GRIK2: variants seen among roughly 807,000 people sequenced by gnomAD.
The protein encoded by GRIK2 is glutamate receptor ionotropic, kainate 2.
In GRIK2, 32 loss-of-function variants were observed where a neutral mutation model predicts 100.3. That is an observed-to-expected ratio of 0.32 (90% CI 0.24 to 0.43). GRIK2 has a LOEUF of 0.43. Among genes scored for constraint, GRIK2 ranks in the 20% least tolerant of loss-of-function variants. GRIK2 has a pLI of 1.00. For missense variants in GRIK2, 843 were observed against 1,114.9 expected (o/e 0.76, Z 3.47); for synonymous variants, 417 against 389.4 (o/e 1.07, Z -0.83).
chr6:101,685,110 A>G (rs1376444554), intron 6 of GRIK2, among the ~76,000 whole-genome samples: 1 of 152,152 alleles, frequency 6.6e-6, no homozygotes, highest in Non-Finnish European at 1.5e-5. Flanking sequence ...ATACAAATTG[A>G]AAATAACTTG....
At chr6:101,877,230 T>C (rs1437087534) in intron 11 of GRIK2, among the ~76,000 whole-genome samples, 1 of 151,978 alleles carries the variant, frequency 6.6e-6, no homozygotes, top group Non-Finnish European at 1.5e-5. Context: ...TATGAATACA[T>C]ACAGTTGGCC....
intron 4 of GRIK2, among the ~76,000 whole-genome samples, chr6:101,647,464 T>G (rs964741830): frequency 1.3e-5 from 2 of 151,986 alleles, no homozygotes; most frequent in Non-Finnish European, 2.9e-5. Flanking sequence ...ATCCAAGGCC[T>G]TCTCCCAGGC....
In GRIK2 at chr6:101,675,004, C is replaced by T. The variant is rs560843154; in HGVS notation, c.542-1619C>T. 2.0e-4 allele frequency among the ~76,000 whole-genome samples: 30 copies of T among 152,152 alleles called. 1 individual carries two copies. The South Asian group carries it at 5.4e-3, about 27-fold the overall frequency. On this transcript the variant is annotated intron_variant, in intron 4 of 16. Transcript: ENST00000369134. ...TAATTAGCATATCCATTACCTTGAA[C>T]ATTTATCATTTATTTGTGATAAGAA...
intron 12 of GRIK2, among the ~76,000 whole-genome samples, chr6:101,912,312 CA>C (rs1242439687): frequency 1.3e-5 from 2 of 151,346 alleles, no homozygotes; most frequent in Non-Finnish European, 3.0e-5. Context: ...TTCAAGGCAG[CA>C]AAAAACTCTA....
At chr6:101,735,224 G>A (rs1383049569) in intron 7 of GRIK2, among the ~76,000 whole-genome samples, 1 of 152,156 alleles carries the variant, frequency 6.6e-6, no homozygotes, top group African/African-American at 2.4e-5. Flanking sequence ...TGTAAAAAAT[G>A]TAGCGATAAA....
Position 101,676,675 on chromosome 6 carries a change from A to G in GRIK2, c.594A>G (p.Arg198=). The G allele has an allele frequency of 6.2e-7, 1 of 1,606,060 alleles. No homozygotes were observed. The highest frequency in any genetic ancestry group is 1.1e-5 in the South Asian group (1 of 90,368). The change falls in exon 5 of 17, where the codon CGA becomes CGG. Residue 198 remains arginine (R), a synonymous_variant. Transcript: ENST00000369134. ...AAGCTCCATCAAGGTATAATCTTCG[A>G]CTCAAAATTCGTCAGTTACCTGCTG... The part of the protein sequence containing the change: ...LIKAPSRYNL[R]LKIRQLPADT...
intron 9 of GRIK2, among the ~76,000 whole-genome samples, chr6:101,816,566 C>T (rs1177686632): frequency 2.6e-5 from 4 of 152,108 alleles, no homozygotes; most frequent in Non-Finnish European, 4.4e-5. Context: ...TGGCGGGCGC[C>T]TGCAGTCCCA....
intron 14 of GRIK2, among the ~76,000 whole-genome samples, chr6:101,929,006 A>T (rs939620328): frequency 6.6e-6 from 1 of 152,188 alleles, no homozygotes; most frequent in African/African-American, 2.4e-5. Context: ...TAGAATAATT[A>T]CTCGGAAAAA....
At chr6:102,013,367 T>C (rs1306587801) in intron 14 of GRIK2, among the ~76,000 whole-genome samples, 1 of 152,172 alleles carries the variant, frequency 6.6e-6, no homozygotes, top group East Asian at 1.9e-4. Flanking sequence ...TATAGAATCA[T>C]GTCATCTACA....
intron 7 of GRIK2, among the ~76,000 whole-genome samples, chr6:101,742,863 T>G (rs962981795): frequency 6.6e-6 from 1 of 152,146 alleles, no homozygotes; most frequent in East Asian, 1.9e-4. Context: ...TGAGGCATGC[T>G]AGACCCCCCA....
chr6:101,787,464 T>A (rs974808180), intron 7 of GRIK2, among the ~76,000 whole-genome samples: 2 of 152,128 alleles, frequency 1.3e-5, no homozygotes, highest in Non-Finnish European at 2.9e-5. Flanking sequence ...TTAACACTGC[T>A]TTTCCTGTAT....
intron 2 of GRIK2, among the ~76,000 whole-genome samples, chr6:101,479,338 A>G (rs1166600006): frequency 6.6e-6 from 1 of 152,192 alleles, no homozygotes; most frequent in African/African-American, 2.4e-5. Context: ...TCATTTAAAT[A>G]TTCCCTTCTC....
chr6:102,035,648 T>G (rs914316771), intron 15 of GRIK2, 82 bp downstream of exon 15: 2 of 743,074 alleles, frequency 2.7e-6, no homozygotes, highest in Non-Finnish European at 4.6e-6. Flanking sequence ...TGTCCACGTA[T>G]GCCATTAGGA....
At chr6:101,829,699 G>A (rs1427132989) in intron 10 of GRIK2, among the ~76,000 whole-genome samples, 1 of 151,706 alleles carries the variant, frequency 6.6e-6, no homozygotes, top group Admixed American at 6.6e-5. Flanking sequence ...AATGCGAAAT[G>A]TCTTTATGAG....
At chr6:102,068,130 G>A (rs1772108679) in intron 16 of GRIK2, among the ~76,000 whole-genome samples, 1 of 151,760 alleles carries the variant, frequency 6.6e-6, no homozygotes, top group Admixed American at 6.6e-5. Context: ...AGTATCGGGT[G>A]GAGATTTTCT....
intron 14 of GRIK2, among the ~76,000 whole-genome samples, chr6:102,030,892 C>T (rs867982419): frequency 1.2e-4 from 18 of 151,038 alleles, no homozygotes; most frequent in Non-Finnish European, 4.4e-5. Context: ...CTTCATATTA[C>T]AGATCCATTT....
chr6:101,566,750 A>T (rs1048066015), intron 2 of GRIK2, among the ~76,000 whole-genome samples: 1 of 150,356 alleles, frequency 6.7e-6, no homozygotes, highest in Non-Finnish European at 1.5e-5. Flanking sequence ...TTTATTCTCT[A>T]TATAAATTTT....
At chr6:101,848,132 G>A (rs1287786768) in intron 10 of GRIK2, among the ~76,000 whole-genome samples, 1 of 152,148 alleles carries the variant, frequency 6.6e-6, no homozygotes, top group South Asian at 2.1e-4. Context: ...AGGAATGCAG[G>A]CTACTATCTT....
chr6:101,774,456 C>T (rs1022772906), intron 7 of GRIK2, among the ~76,000 whole-genome samples: 1 of 152,110 alleles, frequency 6.6e-6, no homozygotes, highest in Non-Finnish European at 1.5e-5. Flanking sequence ...CAAGATTTAA[C>T]AGGTTCTAAA....
Sources: allele counts gnomAD v4.1 joint callset (sites outside exome capture counted in the v4.1 genomes callset), GRCh38; gene constraint gnomAD v4.1.1; transcripts MANE v1.5; gene names NCBI Gene and HGNC (gene_info 2026-07-23, HGNC 2026-07-21).